Variants in HIF1A observed in about 807,000 individuals in gnomAD.
HIF1A encodes hypoxia inducible factor 1 subunit alpha.
In HIF1A, 24 loss-of-function variants were observed where a neutral mutation model predicts 92.7. The ratio of observed to expected loss-of-function variants is 0.26; its 90% confidence interval spans 0.19 to 0.36. The LOEUF (loss-of-function observed/expected upper bound fraction) is 0.36, where lower values mean the gene tolerates loss of function less well. HIF1A is among the 10% of genes least tolerant of loss of function. The pLI is 1.00. For missense variants in HIF1A, 799 were observed against 998.5 expected, an observed-to-expected ratio of 0.80 and a Z score of 2.69; for synonymous variants, 319 against 338.7, an observed-to-expected ratio of 0.94 and a Z score of 0.64.
intron 8 of HIF1A, among the ~76,000 whole-genome samples, chr14:61,735,681 C>A (rs1267038055): frequency 6.6e-6 from 1 of 152,172 alleles, no homozygotes; most frequent in Non-Finnish European, 1.5e-5. Flanking sequence ...TACATTTAAG[C>A]CAAACGTGAA....
chr14:61,703,405 T>A (rs975178690), intron 1 of HIF1A, among the ~76,000 whole-genome samples: 19 of 152,204 alleles, frequency 1.2e-4, no homozygotes, highest in Non-Finnish European at 2.5e-4. Context: ...AATGTAGTCA[T>A]TGGCTAACAC....
chr14:61,695,983 T>TC, intron 1 of HIF1A, 144 bp downstream of exon 1: 2 of 717,812 alleles, frequency 2.8e-6, no homozygotes, highest in Non-Finnish European at 4.5e-6. Context: ...TCCCCTCTCT[T>TC]CCCCCAACCT....
At chr14:61,731,991 C>T (rs1472527101) in intron 6 of HIF1A, among the ~76,000 whole-genome samples, 2 of 152,156 alleles carry the variant, frequency 1.3e-5, no homozygotes, top group African/African-American at 4.8e-5. Context: ...ACAAAATTAG[C>T]TGGGCATGGT....
intron 4 of HIF1A, 157 bp from the exon 5 acceptor site, chr14:61,726,549 T>G (rs2044507248): frequency 2.0e-6 from 1 of 510,478 alleles, no homozygotes; most frequent in Non-Finnish European, 3.5e-6. Flanking sequence ...CTCTTGGGTG[T>G]GCTGGAGTGA....
intron 1 of HIF1A, among the ~76,000 whole-genome samples, chr14:61,707,834 G>A (rs1300996574): frequency 6.6e-6 from 1 of 151,482 alleles, no homozygotes; most frequent in African/African-American, 2.4e-5. Flanking sequence ...TAATGGGATG[G>A]CTGGGTCAAA....
At position 61,745,792 on chromosome 14, in the gene HIF1A, A is replaced by G. The variant is rs772752000; in HGVS notation, c.2304A>G (p.Gln768=). The G allele has an allele frequency of 3.7e-6, 6 of 1,612,054 alleles. No homozygotes were observed. The highest frequency in any genetic ancestry group is 5.1e-6 in the Non-Finnish European group (6 of 1,178,616). The change falls in exon 14 of 15, where the codon CAA becomes CAG. Residue 768 remains glutamine, a synonymous_variant. Coordinates refer to ENST00000337138, the MANE Select transcript of HIF1A (RefSeq NM_001530.4). The part of the protein sequence containing the change: ...CKSSEQNGME[Q]KTIILIPSDL... ...CTAGTGAACAGAATGGAATGGAGCA[A>G]AAGACAATTATTTTAATACCCTCTG...
At chr14:61,732,142 A>T (rs192784634) in intron 6 of HIF1A, among the ~76,000 whole-genome samples, 104 of 151,478 alleles carry the variant, frequency 6.9e-4, no homozygotes, top group African/African-American at 2.5e-3. Flanking sequence ...CTCTTGTCTC[A>T]AAAAAAAAGA....
Position 61,747,535 on chromosome 14 carries a change from G to A in HIF1A, c.*450G>A, listed in dbSNP as rs1410435090. ...AATAATGCTTTGCCAGCAGTACGTG[G>A]TAGCCACAATTGCACAATATATTTT... On this transcript the variant is annotated 3_prime_UTR_variant, in exon 15 of 15. Transcript: ENST00000337138. The A allele has an allele frequency of 6.6e-6, 1 of 152,458 alleles. No individual in the cohort carries two copies. The highest frequency in any genetic ancestry group is 1.5e-5 in the Non-Finnish European group (1 of 68,082). The allele number at this position is 152,458 out of a possible 1,614,324, so 9.4% of individuals were successfully genotyped here.
At chr14:61,729,931 C>A (rs1191786995) in intron 6 of HIF1A, among the ~76,000 whole-genome samples, 1 of 152,108 alleles carries the variant, frequency 6.6e-6, no homozygotes, top group Admixed American at 6.6e-5. Flanking sequence ...TCTATAACCC[C>A]TGAGAACCAA....
intron 6 of HIF1A, among the ~76,000 whole-genome samples, chr14:61,731,444 G>A (rs2044574423): frequency 6.6e-6 from 1 of 152,164 alleles, no homozygotes; most frequent in Non-Finnish European, 1.5e-5. Flanking sequence ...AGGGTAATTG[G>A]ATTGTTTTCC....
intron 4 of HIF1A, among the ~76,000 whole-genome samples, chr14:61,723,054 G>C (rs192908767): frequency 6.6e-6 from 1 of 152,258 alleles, no homozygotes; most frequent in Admixed American, 6.5e-5. Context: ...CTTCATGATG[G>C]AAAGTTACCA....
At chr14:61,746,392 CTTTT>C (rs754879947) in intron 14 of HIF1A, among the ~76,000 whole-genome samples, 3 of 49,492 alleles carry the variant, frequency 6.1e-5, no homozygotes, top group Admixed American at 2.8e-4. Context: ...TTTATGACTT[CTTTT>C]TTTTTTTTTT....
intron 1 of HIF1A, among the ~76,000 whole-genome samples, chr14:61,705,630 G>A (rs2044230361): frequency 6.6e-6 from 1 of 152,120 alleles, no homozygotes; most frequent in African/African-American, 2.4e-5. Flanking sequence ...GAAAGGCATA[G>A]GCCATATTAA....
Position 61,695,856 on chromosome 14 carries a change from G to C in HIF1A, c.35+17G>C. 7 of 1,564,520 alleles carry C rather than the reference G, an allele frequency of 4.5e-6. No individual in the cohort carries two copies. Among genetic ancestry groups the C allele is most frequent in the Non-Finnish European group, 6.1e-6 (7 of 1,154,880 alleles). ...CAAGAAAAAGTAAGCCCATTCCCTC[G>C]GCCCGCCGCCTTCTCCCCCGGCGAC... On this transcript the variant is annotated intron_variant, in intron 1 of 14. Transcript: ENST00000337138.
rs768293041 is a variant in HIF1A at position 61,745,735 on chromosome 14, A to T, written c.2247A>T (p.Ser749=). 1 of 1,612,294 alleles carries T rather than the reference A, an allele frequency of 6.2e-7. No homozygotes were observed. Among genetic ancestry groups the T allele is most frequent in the Non-Finnish European group, 8.5e-7 (1 of 1,178,374 alleles). ...QQPDDHAATT[S]LSWKRVKGCK... ...CAGACGATCATGCAGCTACTACATCACTTTCTTGGAAACGTGTAAAAGGAT... is the reference window on the plus strand; with the variant it reads ...CAGACGATCATGCAGCTACTACATCTCTTTCTTGGAAACGTGTAAAAGGAT... Residue 749 remains serine, a synonymous_variant, in exon 14 of 15, where the codon TCA becomes TCT. Coordinates refer to ENST00000337138, the MANE Select transcript of HIF1A (RefSeq NM_001530.4).
intron 4 of HIF1A, 175 bp from the exon 5 acceptor site, chr14:61,726,531 T>C (rs1218933782): frequency 4.4e-6 from 2 of 456,964 alleles, no homozygotes; most frequent in Admixed American, 4.3e-5. Context: ...GAGTAGTGTG[T>C]GTCAGATCTC....
intron 4 of HIF1A, among the ~76,000 whole-genome samples, chr14:61,723,152 A>T (rs369314086): frequency 6.6e-6 from 1 of 152,146 alleles, no homozygotes; most frequent in South Asian, 2.1e-4. Context: ...TAAAACCTCA[A>T]ATTTACTTTT....
chr14:61,726,327 CAT>C (rs1201302691), intron 4 of HIF1A: 1 of 154,806 alleles, frequency 6.5e-6, no homozygotes, highest in African/African-American at 2.4e-5. Context: ...TGAGCTAACA[CAT>C]TCAGGAAAGG....
chr14:61,711,015 T>G (rs2044300043), intron 1 of HIF1A, among the ~76,000 whole-genome samples: 2 of 144,984 alleles, frequency 1.4e-5, no homozygotes, highest in Admixed American at 7.0e-5. Context: ...CCACTGTACT[T>G]CAGCCTTGGG....
Sources: allele counts gnomAD v4.1 joint callset (sites outside exome capture counted in the v4.1 genomes callset), GRCh38; gene constraint gnomAD v4.1.1; transcripts MANE v1.5; gene names NCBI Gene and HGNC (gene_info 2026-07-23, HGNC 2026-07-21).